Variants in FBXO46 observed in about 807,000 individuals in gnomAD.
FBXO46 encodes F-box only protein 46.
A neutral mutation model predicts 30.7 loss-of-function variants in FBXO46; 13 were observed. That is an observed-to-expected ratio of 0.42 (90% CI 0.28 to 0.67). FBXO46 has a LOEUF of 0.67. FBXO46 is among the 30% of genes least tolerant of loss of function. The pLI, the probability that FBXO46 is intolerant of heterozygous loss-of-function variation, is 0.21. For synonymous variants in FBXO46, 467 were observed against 385.8 expected (o/e 1.21, Z -2.47); for missense variants, 754 against 871.5 (o/e 0.87, Z 1.70).
At position 45,712,989 on chromosome 19, in the gene FBXO46, C is replaced by T. The variant is rs1249475305; in HGVS notation, c.507G>A (p.Leu169=). 4 of 1,573,172 alleles carry T rather than the reference C, an allele frequency of 2.5e-6. No individual in the cohort carries two copies. The highest frequency in any genetic ancestry group is 3.5e-6 in the Non-Finnish European group (4 of 1,159,286). ...GGGCCACCATCTCGGCCACAGAGAG[C>T]AGGTCCACGTCCTCACCGGCTGAGG... The part of the protein sequence containing the change: ...GPASAGEDVD[L]LSVAEMVALV... The change falls in exon 2 of 2, where the codon CTG becomes CTA. Residue 169 remains leucine (L), a synonymous_variant. Coordinates refer to ENST00000317683, the MANE Select transcript of FBXO46 (RefSeq NM_001080469.2). This position sits in a 1 kb window ranked among gnomAD's most constrained non-coding sequence, Gnocchi z 8.8.
In FBXO46 at chr19:45,721,506, A is replaced by G. The variant is rs924871551; in HGVS notation, c.-78-7933T>C. On this transcript the variant is annotated intron_variant, in intron 1 of 1. Transcript: ENST00000317683. ...CAGCACAAGGCACTTGCCCAGTTAC[A>G]TGGGAATTGGTGGCAGGACACCAGG... Among the ~76,000 whole-genome samples, 15 of 145,026 alleles carry G rather than the reference A, an allele frequency of 1.0e-4. No homozygotes were observed. The Admixed American group carries it at 1.0e-3, about 10-fold the overall frequency.
At chr19:45,714,952 C>G (rs1968068256) in intron 1 of FBXO46, 1 of 152,154 alleles carries the variant, frequency 6.6e-6, no homozygotes, top group Non-Finnish European at 1.5e-5. Context: ...GCCTAGCTTT[C>G]TCCTCAAGCT....
chr19:45,713,968 CA>C lies in FBXO46; in HGVS notation c.-78-396del, dbSNP rs34349746. Among the ~76,000 whole-genome samples the C allele has an allele frequency of 0.27, 19,785 of 73,096 alleles. 797 individuals are homozygous for C. The highest frequency in any genetic ancestry group is 0.3 in the South Asian group (490 of 1,652). The allele number at this position is 73,096 out of a possible 152,430, so 48.0% of individuals were successfully genotyped here. A position where few individuals can be genotyped will look rare whatever the true frequency, so the allele number is the denominator to read the frequency against. On this transcript the variant is annotated intron_variant, in intron 1 of 1. Transcript: ENST00000317683. The surrounding 1 kb of genome is among the most constrained non-coding windows in gnomAD (Gnocchi z 4.7). ...GGGCGACAAGAGCGAAACTCCGTCT[CA>C]AAAAAAAAAAAAAAAAAAAAAAGAA...
upstream of FBXO46, among the ~76,000 whole-genome samples, chr19:45,732,235 G>T (rs1968327472): frequency 6.6e-6 from 1 of 151,978 alleles, no homozygotes; most frequent in African/African-American, 2.4e-5. Flanking sequence ...TATTGCATCG[G>T]AACTATATGC....
chr19:45,711,455 A>AGTGG lies in FBXO46; in HGVS notation c.*228_*229insCCAC. 2.9e-6 allele frequency: 2 copies of AGTGG among 682,262 alleles called. No homozygotes were observed. The highest frequency in any genetic ancestry group is 5.3e-6 in the Non-Finnish European group (2 of 375,564). The allele number at this position is 682,262 out of a possible 1,614,324, so 42.3% of individuals were successfully genotyped here. ...GTGAGATGCTGATAAAAAAAAAAAA[A>AGTGG]ACACCCTTCTCAGAGGGTCCACGGC... On this transcript the variant is annotated 3_prime_UTR_variant, in exon 2 of 2. Coordinates refer to ENST00000317683, the MANE Select transcript of FBXO46 (RefSeq NM_001080469.2).
chr19:45,713,916 C>T lies in FBXO46; in HGVS notation c.-78-343G>A, dbSNP rs1968045015. 6.8e-6 allele frequency among the ~76,000 whole-genome samples: 1 copy of T among 146,546 alleles called. No homozygotes were observed. The highest frequency in any genetic ancestry group is 7.0e-5 in the Admixed American group (1 of 14,332). On this transcript the variant is annotated intron_variant, in intron 1 of 1. Coordinates refer to ENST00000317683, the MANE Select transcript of FBXO46 (RefSeq NM_001080469.2). The surrounding 1 kb of genome is among the most constrained non-coding windows in gnomAD (Gnocchi z 4.7). Reference sequence around the variant, plus strand: ...CTGGGAGGTGGAGGTTGCAGCGAGACCAGATGGCACCATTACACTCCAGCC... The same window carrying T: ...CTGGGAGGTGGAGGTTGCAGCGAGATCAGATGGCACCATTACACTCCAGCC...
chr19:45,717,778 TG>T (rs1035352864), intron 1 of FBXO46, among the ~76,000 whole-genome samples: 3 of 88,640 alleles, frequency 3.4e-5, no homozygotes, highest in African/African-American at 1.3e-4. Context: ...TTGGGAACTG[TG>T]GGGGCGGGGG....
At position 45,711,314 on chromosome 19, in the gene FBXO46, C is replaced by A; in HGVS notation, c.*370G>T. 1 of 453,622 alleles carries A rather than the reference C, an allele frequency of 2.2e-6. No individual in the cohort carries two copies. Among genetic ancestry groups the A allele is most frequent in the Non-Finnish European group, 4.2e-6 (1 of 236,096 alleles). 28.1% of individuals were successfully genotyped at this position (453,622 alleles called of 1,614,324 possible). A position where few individuals can be genotyped will look rare whatever the true frequency, so the allele number is the denominator to read the frequency against. On this transcript the variant is annotated 3_prime_UTR_variant, in exon 2 of 2. Coordinates refer to ENST00000317683, the MANE Select transcript of FBXO46 (RefSeq NM_001080469.2). ...ATTGGGGTGAGGGAGAGGATGGGGG[C>A]CAGAATGGGGGGACCCTTAAGTGGT...
intron 1 of FBXO46, among the ~76,000 whole-genome samples, chr19:45,726,371 G>A (rs1968240177): frequency 6.6e-6 from 1 of 151,910 alleles, no homozygotes; most frequent in South Asian, 2.1e-4. Flanking sequence ...AAAATGGCTG[G>A]GCACGGTGGC....
intron 1 of FBXO46, chr19:45,716,490 C>T (rs944636321): frequency 3.3e-5 from 5 of 152,128 alleles, no homozygotes; most frequent in Non-Finnish European, 5.9e-5. Flanking sequence ...AGGGCCGAAT[C>T]TCAGTCAATC....
intron 1 of FBXO46, among the ~76,000 whole-genome samples, chr19:45,719,159 G>A (rs933616327): frequency 5.3e-5 from 8 of 152,046 alleles, no homozygotes; most frequent in African/African-American, 1.9e-4. Flanking sequence ...TGAGGTGGGA[G>A]GATTGCTTGA....
intron 1 of FBXO46, among the ~76,000 whole-genome samples, chr19:45,719,058 G>T (rs1247292211): frequency 6.6e-6 from 1 of 151,664 alleles, no homozygotes; most frequent in Non-Finnish European, 1.5e-5. Context: ...CGACCAGCCT[G>T]GGCAACATGG....
intron 1 of FBXO46, among the ~76,000 whole-genome samples, chr19:45,725,233 A>G (rs1445064498): frequency 6.6e-6 from 1 of 152,048 alleles, no homozygotes; most frequent in Non-Finnish European, 1.5e-5. Context: ...CCTTGGCAGC[A>G]TGTATTATTC....
At position 45,711,965 on chromosome 19, in the gene FBXO46, C is replaced by T; in HGVS notation, c.1531G>A (p.Gly511Ser). 1 of 1,612,998 alleles carries T rather than the reference C, an allele frequency of 6.2e-7. No individual in the cohort carries two copies. The highest frequency in any genetic ancestry group is 8.5e-7 in the Non-Finnish European group (1 of 1,179,732). The change falls in exon 2 of 2, where the codon GGC becomes AGC. Residue 511 changes from glycine to serine, a missense_variant. Physicochemically the swap from Gly to Ser is moderately conservative, Grantham distance 56. This residue lies in a region of FBXO46 where 162 missense variants were observed against 258.7 expected (regional missense o/e 0.63). Transcript: ENST00000317683. ...HHFKGIIEAF[G>S]VRATDSRWSR... ...CAGCGCGAGTCTGTGGCCCGCACGC[C>T]AAACGCCTCGATGATGCCCTTGAAG...
chr19:45,711,885 G>A lies in FBXO46; in HGVS notation c.1611C>T (p.Tyr537=), dbSNP rs372839306. Residue 537 remains tyrosine, a synonymous_variant, in exon 2 of 2, where the codon TAC becomes TAT. Transcript: ENST00000317683. ...GGCAGAGCGACACGTCGCCCTTCTCGTATCTCTTGCGGCACTGTTTGCACG... is the reference window on the plus strand; with the variant it reads ...GGCAGAGCGACACGTCGCCCTTCTCATATCTCTTGCGGCACTGTTTGCACG... The part of the protein sequence containing the change: ...DDPCKQCRKR[Y]EKGDVSLCRW... 18 of 1,613,618 alleles carry A rather than the reference G, an allele frequency of 1.1e-5. No individual in the cohort carries two copies. The highest frequency in any genetic ancestry group is 6.7e-5 in the East Asian group (3 of 44,884).
Position 45,711,023 on chromosome 19 carries a change from CT to C in FBXO46, c.*660del, listed in dbSNP as rs796384776. On this transcript the variant is annotated 3_prime_UTR_variant, in exon 2 of 2. Transcript: ENST00000317683. ...GAGGAGGAGGGTTTTTATACTTCAGCTTTTTTTTTGTCTGCCCCCCTCTTCC... is the reference window on the plus strand; with the variant it reads ...GAGGAGGAGGGTTTTTATACTTCAGCTTTTTTTTGTCTGCCCCCCTCTTCC... 2,936 of 222,572 alleles carry C rather than the reference CT, an allele frequency of 0.013. 88 individuals are homozygous for C. The highest frequency in any genetic ancestry group is 0.076 in the African/African-American group (2,646 of 34,952). 13.8% of individuals were successfully genotyped at this position (222,572 alleles called of 1,614,324 possible).
chr19:45,722,664 A>AGGCAGGAGAAT (rs1396953704), intron 1 of FBXO46, among the ~76,000 whole-genome samples: 4 of 152,164 alleles, frequency 2.6e-5, no homozygotes, highest in Non-Finnish European at 5.9e-5. Flanking sequence ...CAGGAGGCTG[A>AGGCAGGAGAAT]GGCAGGAGAA....
At chr19:45,715,806 C>CAAAAAAAAAAAAA (rs71175215) in intron 1 of FBXO46, 2 of 79,432 alleles carry the variant, frequency 2.5e-5, no homozygotes, top group Admixed American at 1.6e-4. Context: ...AACTCCATCT[C>CAAAAAAAAAAAAA]AAAAAAAAAA....
At chr19:45,731,151 C>T (rs951238607), upstream of FBXO46, among the ~76,000 whole-genome samples, 1 of 152,180 alleles carries the variant, frequency 6.6e-6, no homozygotes, top group African/African-American at 2.4e-5. Flanking sequence ...AGGAGGGCTC[C>T]ATTTTTGCCC....
Sources: gnomAD v4.1 joint callset for allele counts (sites outside exome capture counted in the v4.1 genomes callset) on GRCh38, gnomAD v4.1.1 for gene constraint, gnomAD v4.1.1 regional missense constraint, Gnocchi (gnomAD v3.1) non-coding constraint, MANE v1.5 for transcripts, NCBI Gene and HGNC (gene_info 2026-07-23, HGNC 2026-07-21) for gene names.